CDC42SE2: variants seen among roughly 807,000 people sequenced by gnomAD.
CDC42SE2 encodes the protein CDC42 small effector protein 2.
Under a neutral mutation model 11.5 loss-of-function variants are expected in CDC42SE2, and 3 were observed. That is an observed-to-expected ratio of 0.26 (90% CI 0.12 to 0.67). The LOEUF (loss-of-function observed/expected upper bound fraction) is 0.67. Ranked by LOEUF, CDC42SE2 falls within the 30% of genes least tolerant of loss-of-function variation. The pLI is 0.80. For missense variants in CDC42SE2, 82 were observed against 106.8 expected (o/e 0.77, Z 1.02); for synonymous variants, 33 against 34.8 (o/e 0.95, Z 0.18).
At chr5:131,350,001 C>A (rs1162320309) in intron 2 of CDC42SE2, among the ~76,000 whole-genome samples, 1 of 151,906 alleles carries the variant, frequency 6.6e-6, no homozygotes, top group Non-Finnish European at 1.5e-5. Flanking sequence ...ATAAGGAGAA[C>A]ATAAATTATT....
At chr5:131,349,383 T>TAAG (rs995397492) in intron 2 of CDC42SE2, among the ~76,000 whole-genome samples, 19 of 151,710 alleles carry the variant, frequency 1.3e-4, no homozygotes, top group African/African-American at 4.6e-4. Context: ...GAGATATACC[T>TAAG]AATGTAAATG....
chr5:131,211,542 G>A, the CDC42SE2 span, among the ~76,000 whole-genome samples: 1 of 151,974 alleles, frequency 6.6e-6, no homozygotes, highest in Non-Finnish European at 1.5e-5. Flanking sequence ...ATTTTTTATT[G>A]TGGGTACATC....
intron 1 of CDC42SE2, among the ~76,000 whole-genome samples, chr5:131,275,257 T>A (rs768675506): frequency 1.3e-5 from 2 of 152,132 alleles, no homozygotes; most frequent in Non-Finnish European, 2.9e-5. Flanking sequence ...TGTTGGTGAT[T>A]TACATGGACT....
chr5:131,353,835 C>T (rs181776354), intron 2 of CDC42SE2, among the ~76,000 whole-genome samples: 2 of 152,104 alleles, frequency 1.3e-5, no homozygotes, highest in East Asian at 3.9e-4. Context: ...TTGTTTGAAC[C>T]TGGGAGGCTG....
In CDC42SE2 at chr5:131,389,465, A is replaced by T. The variant is rs560556381; in HGVS notation, c.157-1528A>T. ...ACGAATAAGATGTTCCATGTAAGTAAATTTCCAGGTTAGTAAAAATGTCCC... is the reference window on the plus strand; with the variant it reads ...ACGAATAAGATGTTCCATGTAAGTATATTTCCAGGTTAGTAAAAATGTCCC... On this transcript the variant is annotated intron_variant, in intron 4 of 4. Coordinates refer to ENST00000505065, the MANE Select transcript of CDC42SE2 (RefSeq NM_001375635.1). Among the ~76,000 whole-genome samples, 592 of 152,326 alleles carry T rather than the reference A, an allele frequency of 3.9e-3. 1 individual carries two copies. Among genetic ancestry groups the T allele is most frequent in the Non-Finnish European group, 5.9e-3 (399 of 68,024 alleles).
intron 2 of CDC42SE2, among the ~76,000 whole-genome samples, chr5:131,355,296 G>A (rs1207211082): frequency 6.6e-6 from 1 of 152,092 alleles, no homozygotes; most frequent in African/African-American, 2.4e-5. Context: ...GGGCAACATA[G>A]TGAGACCCTG....
At chr5:131,388,376 A>G (rs144085700) in intron 4 of CDC42SE2, among the ~76,000 whole-genome samples, 74 of 152,326 alleles carry the variant, frequency 4.9e-4, no homozygotes, top group African/African-American at 1.7e-3. Flanking sequence ...TCTCCTATGC[A>G]ATGCAATAAT....
intron 3 of CDC42SE2, among the ~76,000 whole-genome samples, chr5:131,359,784 C>T (rs1749656145): frequency 6.6e-6 from 1 of 152,056 alleles, no homozygotes; most frequent in South Asian, 2.1e-4. Context: ...AGGAGGTGTT[C>T]TTCTGTCAAA....
chr5:131,244,636 G>A (rs1234532179), upstream of CDC42SE2, among the ~76,000 whole-genome samples: 3 of 152,098 alleles, frequency 2.0e-5, no homozygotes, highest in South Asian at 2.1e-4. Context: ...GCTTGAACCC[G>A]GGAGGCAGAA....
chr5:131,268,144 C>T (rs1347322344), intron 1 of CDC42SE2, among the ~76,000 whole-genome samples: 1 of 142,906 alleles, frequency 7.0e-6, no homozygotes, highest in Non-Finnish European at 1.5e-5. Context: ...CTCACTGCAA[C>T]CTCTGTCTCC....
intron 1 of CDC42SE2, among the ~76,000 whole-genome samples, chr5:131,249,643 TG>T (rs1363804354): frequency 6.6e-6 from 1 of 152,244 alleles, no homozygotes; most frequent in East Asian, 1.9e-4. Flanking sequence ...AAAAACTCTT[TG>T]TAATTAACAT....
intron 2 of CDC42SE2, among the ~76,000 whole-genome samples, chr5:131,353,903 C>T (rs1022455313): frequency 4.7e-5 from 7 of 150,322 alleles, no homozygotes; most frequent in Non-Finnish European, 1.0e-4. Context: ...CAGAGCAAAA[C>T]TCTGTCTAAA....
chr5:131,341,628 A>T (rs749822630), intron 2 of CDC42SE2, among the ~76,000 whole-genome samples: 1 of 152,232 alleles, frequency 6.6e-6, no homozygotes, highest in Non-Finnish European at 1.5e-5. Flanking sequence ...GGCTAGGAAG[A>T]AACCAAAAGA....
chr5:131,300,708 G>A (rs1338958867), intron 1 of CDC42SE2, among the ~76,000 whole-genome samples: 5 of 151,880 alleles, frequency 3.3e-5, no homozygotes, highest in Non-Finnish European at 7.4e-5. Context: ...GCGTGAACCT[G>A]GGAGGTGGAG....
Position 131,385,578 on chromosome 5 carries a change from A to G in CDC42SE2, c.90A>G (p.Gly30=), listed in dbSNP as rs1336308095. 1 of 1,613,810 alleles carries G rather than the reference A, an allele frequency of 6.2e-7. No individual in the cohort carries two copies. Among genetic ancestry groups the G allele is most frequent in the South Asian group, 1.1e-5 (1 of 91,052 alleles). The change falls in exon 4 of 5, where the codon GGA becomes GGG. Residue 30 remains glycine (G), a synonymous_variant. Coordinates refer to ENST00000505065, the MANE Select transcript of CDC42SE2 (RefSeq NM_001375635.1). ...RRRRIDRSMI[G]EPTNFVHTAH... ...GGCGGATTGACAGAAGTATGATTGG[A>G]GAGCCCACAAACTTTGTGCATACAG...
upstream of CDC42SE2, chr5:131,263,689 T>C (rs1269088221): frequency 2.7e-5 from 3 of 112,318 alleles, no homozygotes; most frequent in African/African-American, 6.9e-5. Flanking sequence ...ACGTCGCTCC[T>C]CCGCACGGAT....
At chr5:131,235,552 T>C in the CDC42SE2 span, among the ~76,000 whole-genome samples, 5 of 152,026 alleles carry the variant, frequency 3.3e-5, no homozygotes, top group African/African-American at 1.2e-4. Flanking sequence ...CCTCCAAAAA[T>C]GCTGGGATTA....
chr5:131,254,246 A>G (rs1407264182), intron 1 of CDC42SE2, among the ~76,000 whole-genome samples: 1 of 152,080 alleles, frequency 6.6e-6, no homozygotes, highest in Non-Finnish European at 1.5e-5. Context: ...ATGTGTATAG[A>G]AATAATAAGT....
chr5:131,350,129 TC>T (rs1758966903), intron 2 of CDC42SE2, among the ~76,000 whole-genome samples: 1 of 151,980 alleles, frequency 6.6e-6, no homozygotes, highest in East Asian at 1.9e-4. Flanking sequence ...TTGTGGTAAA[TC>T]AACTTGACCT....
Sources: gnomAD v4.1 joint callset for allele counts (sites outside exome capture counted in the v4.1 genomes callset) on GRCh38, gnomAD v4.1.1 for gene constraint, MANE v1.5 for transcripts, NCBI Gene and HGNC (gene_info 2026-07-23, HGNC 2026-07-21) for gene names.